Variants in VCAN observed in about 807,000 individuals in gnomAD.
The protein encoded by VCAN is versican.
In VCAN, 44 loss-of-function variants were observed where a neutral mutation model predicts 245.5. The ratio of observed to expected loss-of-function variants is 0.18; its 90% confidence interval spans 0.14 to 0.23. VCAN has a LOEUF of 0.23. VCAN is among the 10% of genes least tolerant of loss of function. VCAN has a pLI of 1.00. For synonymous variants in VCAN, 1,413 were observed against 1,437.0 expected, an observed-to-expected ratio of 0.98 and a Z score of 0.38; for missense variants, 3,793 against 4,057.9, an observed-to-expected ratio of 0.93 and a Z score of 1.77.
At position 83,522,225 on chromosome 5, in the gene VCAN, C is replaced by T; in HGVS notation, c.3919C>T (p.Leu1307Phe). ...EDKEAFGPQA[L>F]STPQPPASTK... ...CAAAGAGGCCTTTGGACCTCAGGCG[C>T]TTTCTACGCCACAGCCCCCAGCAAG... Residue 1307 changes from leucine to phenylalanine, a missense_variant, in exon 7 of 15, where the codon CTT (leucine) becomes TTT (phenylalanine). Transcript: ENST00000265077. 1.9e-6 allele frequency: 3 copies of T among 1,601,998 alleles called. No individual in the cohort carries two copies. In the South Asian group the frequency reaches 3.3e-5, roughly 18 times the overall value.
In VCAN at chr5:83,538,562, A is replaced by G. The variant is rs1361994855; in HGVS notation, c.5559A>G (p.Ser1853=). The change falls in exon 8 of 15, where the codon TCA becomes TCG. Residue 1853 remains serine, a synonymous_variant. Coordinates refer to ENST00000265077, the MANE Select transcript of VCAN (RefSeq NM_004385.5). The part of the protein sequence containing the change: ...DPETTTVSSF[S]LNVEYAIQAE... Reference sequence around the variant, plus strand: ...AAACCACCACTGTTTCTTCATTTTCATTAAACGTAGAGTATGCAATTCAAG... The same window carrying G: ...AAACCACCACTGTTTCTTCATTTTCGTTAAACGTAGAGTATGCAATTCAAG... The G allele has an allele frequency of 6.2e-7, 1 of 1,614,052 alleles. No homozygotes were observed. Among genetic ancestry groups the G allele is most frequent in the African/African-American group, 1.3e-5 (1 of 75,012 alleles).
intron 13 of VCAN, among the ~76,000 whole-genome samples, chr5:83,576,009 C>G (rs574842337): frequency 3.0e-4 from 45 of 152,180 alleles, no homozygotes; most frequent in Non-Finnish European, 6.0e-4. Context: ...ACCCTTTTCT[C>G]TTTTTAGATA....
At position 83,580,328 on chromosome 5, in the gene VCAN, A is replaced by C; in HGVS notation, c.10085A>C (p.Tyr3362Ser). 1 of 1,613,926 alleles carries C rather than the reference A, an allele frequency of 6.2e-7. No homozygotes were observed. The highest frequency in any genetic ancestry group is 8.5e-7 in the Non-Finnish European group (1 of 1,179,932). The change falls in exon 15 of 15, where the codon TAT (tyrosine) becomes TCT (serine). Residue 3362 changes from tyrosine (Y) to serine (S), a missense_variant. By Grantham distance (144) the Tyr-to-Ser change is moderately radical. Coordinates refer to ENST00000265077, the MANE Select transcript of VCAN (RefSeq NM_004385.5). ...CMNPSAYQRT[Y>S]SMKYFKNSSS... ...GTAGCATCTGCATACCAAAGGACTT[A>C]TTCTATGAAATACTTTAAAAATTCC...
intron 7 of VCAN, among the ~76,000 whole-genome samples, chr5:83,530,110 T>C (rs1302179149): frequency 6.6e-6 from 1 of 152,138 alleles, no homozygotes; most frequent in Non-Finnish European, 1.5e-5. Flanking sequence ...CTGCAGCCCT[T>C]ACTTAAAATT....
intron 1 of VCAN, among the ~76,000 whole-genome samples, chr5:83,478,429 A>G (rs566334197): frequency 6.6e-6 from 1 of 152,304 alleles, no homozygotes; most frequent in South Asian, 2.1e-4. Context: ...TGATTCAGCA[A>G]TTCCACTTCT....
At chr5:83,577,927 G>C (rs1461919081) in intron 13 of VCAN, among the ~76,000 whole-genome samples, 1 of 152,108 alleles carries the variant, frequency 6.6e-6, no homozygotes, top group Admixed American at 6.5e-5. Flanking sequence ...TTCATATTTA[G>C]TTTTAGAAGA....
At chr5:83,557,682 G>T (rs114696627) in intron 12 of VCAN, among the ~76,000 whole-genome samples, 1 of 152,098 alleles carries the variant, frequency 6.6e-6, no homozygotes, top group African/African-American at 2.4e-5. Flanking sequence ...TGGTAAATTA[G>T]TGAGCATCGC....
At chr5:83,563,522 A>G (rs1747951861) in intron 12 of VCAN, among the ~76,000 whole-genome samples, 1 of 152,148 alleles carries the variant, frequency 6.6e-6, no homozygotes, top group African/African-American at 2.4e-5. Context: ...GCTGAGGCTA[A>G]CCCCAAGTGG....
At chr5:83,511,440 T>C (rs6452541) in intron 5 of VCAN, among the ~76,000 whole-genome samples, 63,796 of 151,748 alleles carry the variant, frequency 0.42, 14,341 homozygotes, top group East Asian at 0.67. Context: ...ACACTGGGCC[T>C]GGTGCTCCTG....
chr5:83,553,365 T>C lies in VCAN; in HGVS notation c.9495T>C (p.Asp3165=), dbSNP rs13166485. The change falls in exon 11 of 15, where the codon GAT becomes GAC. Residue 3165 remains aspartate (D), a splice_region_variant and synonymous_variant. Coordinates refer to ENST00000265077, the MANE Select transcript of VCAN (RefSeq NM_004385.5). ...PSYVGALCEQ[D]TETCDYGWHK... is the part of the protein sequence containing the mutation. ...AAGCTCCTGCCTGTTTCTTCTCAGA[T>C]ACCGAGACATGTGACTATGGCTGGC... 3 of 1,614,028 alleles carry C rather than the reference T, an allele frequency of 1.9e-6. No homozygotes were observed. In the East Asian group the frequency reaches 6.7e-5, roughly 36 times the overall value.
intron 3 of VCAN, among the ~76,000 whole-genome samples, chr5:83,492,536 C>A (rs939272359): frequency 3.3e-4 from 50 of 152,286 alleles, no homozygotes; most frequent in African/African-American, 1.2e-3. Flanking sequence ...AATGGAGAGA[C>A]TCTTGTTGAC....
At chr5:83,490,021 C>T in intron 2 of VCAN, 77 bp from the exon 3 acceptor site, 1 of 1,504,654 alleles carries the variant, frequency 6.6e-7, no homozygotes, top group East Asian at 2.3e-5. Flanking sequence ...ATAAAGGCTG[C>T]TTATCCATTC....
chr5:83,501,336 T>G (rs1462512096), intron 5 of VCAN, among the ~76,000 whole-genome samples: 1 of 152,188 alleles, frequency 6.6e-6, no homozygotes, highest in Non-Finnish European at 1.5e-5. Context: ...ATTTTTAAAA[T>G]TTTTGTGCTT....
At chr5:83,509,038 AAGAAAGAAAGAAAG>A (rs1464065006) in intron 5 of VCAN, among the ~76,000 whole-genome samples, 8 of 149,144 alleles carry the variant, frequency 5.4e-5, no homozygotes, top group African/African-American at 1.8e-4. Context: ...TTTGAAAAGA[AAGAAAGAAAGAAAG>A]AGAAAGAAAG....
At chr5:83,476,313 A>G (rs978090441) in intron 1 of VCAN, among the ~76,000 whole-genome samples, 1 of 152,182 alleles carries the variant, frequency 6.6e-6, no homozygotes, top group African/African-American at 2.4e-5. Flanking sequence ...ATCGGTAAAC[A>G]CTGTATTTAA....
intron 3 of VCAN, among the ~76,000 whole-genome samples, chr5:83,492,486 T>G (rs1745015351): frequency 6.6e-6 from 1 of 152,222 alleles, no homozygotes; most frequent in African/African-American, 2.4e-5. Flanking sequence ...TCCACTTTGA[T>G]GTCTTGCAGA....
chr5:83,553,341 A>C (rs1747543355), intron 10 of VCAN, 23 bp from the exon 11 acceptor site: 2 of 1,613,592 alleles, frequency 1.2e-6, no homozygotes, highest in Admixed American at 1.7e-5. Context: ...GCGTTTAATA[A>C]GCTCCTGCCT....
At chr5:83,580,251 G>T in intron 14 of VCAN, 56 bp from the exon 15 acceptor site, 2 of 1,613,720 alleles carry the variant, frequency 1.2e-6, no homozygotes, top group Admixed American at 1.7e-5. Flanking sequence ...GCAGTTTAGG[G>T]TATGGAGCAA....
At chr5:83,477,054 A>G (rs1423761145) in intron 1 of VCAN, among the ~76,000 whole-genome samples, 1 of 152,194 alleles carries the variant, frequency 6.6e-6, no homozygotes, top group Non-Finnish European at 1.5e-5. Context: ...ACTTGGAATC[A>G]GAAAGTTTGA....
Sources: allele counts gnomAD v4.1 joint callset (sites outside exome capture counted in the v4.1 genomes callset), GRCh38; gene constraint gnomAD v4.1.1; transcripts MANE v1.5; gene names NCBI Gene and HGNC (gene_info 2026-07-23, HGNC 2026-07-21).